SLC35A1: variants seen among roughly 807,000 people sequenced by gnomAD.
SLC35A1 encodes the protein solute carrier family 35 member A1, also known as CMP-sialic acid transporter.
SLC35A1 carries 21 observed loss-of-function variants against 40.3 expected under a neutral mutation model. That is an observed-to-expected ratio of 0.52 (90% CI 0.37 to 0.75). The LOEUF (loss-of-function observed/expected upper bound fraction) is 0.75. SLC35A1 is among the 30% of genes least tolerant of loss of function. SLC35A1 has a pLI of 0.00. For synonymous variants in SLC35A1, 146 were observed against 147.3 expected (o/e 0.99, Z 0.06); for missense variants, 297 against 382.1 (o/e 0.78, Z 1.86).
chr6:87,484,484 C>T (rs1769338382), intron 2 of SLC35A1, among the ~76,000 whole-genome samples: 1 of 152,120 alleles, frequency 6.6e-6, no homozygotes, highest in Admixed American at 6.5e-5. Flanking sequence ...TCCTGATGCA[C>T]GTGGCCCCTG....
intron 2 of SLC35A1, among the ~76,000 whole-genome samples, chr6:87,495,563 G>A (rs1383218374): frequency 2.6e-5 from 4 of 152,092 alleles, no homozygotes; most frequent in African/African-American, 9.7e-5. Flanking sequence ...GGGTGTTGGG[G>A]AGGAAGTAAA....
chr6:87,510,690 C>T (rs752074963), intron 7 of SLC35A1, among the ~76,000 whole-genome samples: 11 of 151,926 alleles, frequency 7.2e-5, no homozygotes, highest in Non-Finnish European at 5.9e-5. Flanking sequence ...GCCTGACCAA[C>T]GTGGAGAAAT....
intron 4 of SLC35A1, among the ~76,000 whole-genome samples, chr6:87,505,217 A>G (rs1770041741): frequency 6.6e-6 from 1 of 152,190 alleles, no homozygotes; most frequent in South Asian, 2.1e-4. Flanking sequence ...CACTTTTCTT[A>G]TATCAGGCTT....
intron 4 of SLC35A1, among the ~76,000 whole-genome samples, chr6:87,506,117 G>A (rs965542936): frequency 6.6e-6 from 1 of 152,184 alleles, no homozygotes; most frequent in African/African-American, 2.4e-5. Context: ...GTGCTTATTG[G>A]TATTAGGAAA....
At chr6:87,492,545 A>ATTTTTTTTTTTTTTTTTTTTTTTTTTTGT in intron 2 of SLC35A1, among the ~76,000 whole-genome samples, 1 of 115,044 alleles carries the variant, frequency 8.7e-6, no homozygotes, top group Non-Finnish European at 1.7e-5. Context: ...ATTTATCTTG[A>ATTTTTTTTTTTTTTTTTTTTTTTTTTTGT]TTTTTTTTTT....
At chr6:87,474,052 C>CT (rs564673673) in intron 1 of SLC35A1, among the ~76,000 whole-genome samples, 121 of 152,206 alleles carry the variant, frequency 7.9e-4, no homozygotes, top group Middle Eastern at 3.4e-3. Flanking sequence ...TCTTAAAAGC[C>CT]TTTTTTTGTA....
intron 7 of SLC35A1, 149 bp from the exon 8 acceptor site, chr6:87,511,250 G>T: frequency 1.2e-6 from 1 of 800,510 alleles, no homozygotes; most frequent in Non-Finnish European, 2.0e-6. Context: ...TTTTTTGGCT[G>T]TAATGGAAGA....
At chr6:87,504,979 G>A (rs956543690) in intron 4 of SLC35A1, among the ~76,000 whole-genome samples, 2 of 152,184 alleles carry the variant, frequency 1.3e-5, no homozygotes, top group African/African-American at 2.4e-5. Context: ...GAATCAACTG[G>A]AAGGTTGGTT....
chr6:87,486,939 G>C (rs1234031172), intron 2 of SLC35A1, among the ~76,000 whole-genome samples: 1 of 152,088 alleles, frequency 6.6e-6, no homozygotes, highest in Non-Finnish European at 1.5e-5. Context: ...CACTTTGGGA[G>C]GCTGAGGCAG....
chr6:87,487,204 T>G (rs75713309), intron 2 of SLC35A1, among the ~76,000 whole-genome samples: 1,580 of 152,112 alleles, frequency 0.01, 25 homozygotes, highest in African/African-American at 0.034. Context: ...AGAAAGTCAT[T>G]AAATGGTTTA....
intron 2 of SLC35A1, among the ~76,000 whole-genome samples, chr6:87,482,371 T>G (rs755684155): frequency 1.1e-4 from 16 of 152,270 alleles, no homozygotes; most frequent in Admixed American, 5.2e-4. Flanking sequence ...TGCTAACTTT[T>G]GGCAAACTTT....
intron 1 of SLC35A1, among the ~76,000 whole-genome samples, chr6:87,473,852 A>G (rs1582161512): frequency 6.6e-6 from 1 of 152,352 alleles, no homozygotes; most frequent in East Asian, 1.9e-4. Flanking sequence ...CCCTTCCTCC[A>G]TAGAGCACTT....
intron 4 of SLC35A1, among the ~76,000 whole-genome samples, chr6:87,501,678 C>T (rs747680575): frequency 6.6e-6 from 1 of 152,184 alleles, no homozygotes; most frequent in African/African-American, 2.4e-5. Flanking sequence ...TTTAGAACTT[C>T]TAGACCTCTT....
intron 2 of SLC35A1, among the ~76,000 whole-genome samples, chr6:87,487,693 A>C (rs1769426840): frequency 6.6e-6 from 1 of 152,236 alleles, no homozygotes; most frequent in African/African-American, 2.4e-5. Flanking sequence ...CCATTTAAAC[A>C]AAATCACCAA....
intron 2 of SLC35A1, among the ~76,000 whole-genome samples, chr6:87,481,034 T>C (rs1185930026): frequency 3.3e-5 from 5 of 152,178 alleles, no homozygotes; most frequent in Non-Finnish European, 7.3e-5. Context: ...GTGGTACCTG[T>C]GCTAAAAGAC....
chr6:87,503,031 T>G (rs1303708236), intron 4 of SLC35A1, among the ~76,000 whole-genome samples: 2 of 152,218 alleles, frequency 1.3e-5, no homozygotes, highest in African/African-American at 4.8e-5. Context: ...TACCCATTAT[T>G]AGCTTCTCCT....
chr6:87,501,275 G>A lies in SLC35A1; in HGVS notation c.472G>A (p.Val158Ile). The change falls in exon 4 of 8, where the codon GTA (valine) becomes ATA (isoleucine). Residue 158 changes from valine (V) to isoleucine (I), a missense_variant. By Grantham distance (29) the Val-to-Ile change is conservative (BLOSUM62 3). Transcript: ENST00000369552. ...TATGCTGTGTGCTGGAGTTACGCTT[G>A]TACAGTGGAAACCAGCCCAAGCTAC... ...VFMLCAGVTL[V>I]QWKPAQATKV... The A allele has an allele frequency of 6.2e-7, 1 of 1,614,042 alleles. No individual in the cohort carries two copies. The highest frequency in any genetic ancestry group is 8.5e-7 in the Non-Finnish European group (1 of 1,179,988).
At chr6:87,473,112 C>T in intron 1 of SLC35A1, 93 bp downstream of exon 1, 1 of 414,152 alleles carries the variant, frequency 2.4e-6, no homozygotes, top group Non-Finnish European at 4.3e-6. Flanking sequence ...CAGCGGAGCA[C>T]CCTGGTTGCC....
intron 2 of SLC35A1, among the ~76,000 whole-genome samples, chr6:87,491,037 G>C (rs1027478794): frequency 1.9e-4 from 29 of 152,192 alleles, no homozygotes; most frequent in African/African-American, 6.8e-4. Context: ...TTAGAAACAG[G>C]TGAGGGAAAC....
Sources: gnomAD v4.1 joint callset for allele counts (sites outside exome capture counted in the v4.1 genomes callset) on GRCh38, gnomAD v4.1.1 for gene constraint, MANE v1.5 for transcripts, NCBI Gene and HGNC (gene_info 2026-07-23, HGNC 2026-07-21) for gene names.